The following MCPH1 variants were observed in gnomAD, a reference collection of about 807,000 sequenced individuals.
MCPH1 encodes the protein microcephalin.
A neutral mutation model predicts 84.5 loss-of-function variants in MCPH1; 104 were observed. That is an observed-to-expected ratio of 1.23 (90% CI 1.05 to 1.45). The LOEUF (loss-of-function observed/expected upper bound fraction) is 1.45, where lower values mean the gene tolerates loss of function less well. Ranked by LOEUF, MCPH1 falls within the 40% of genes most tolerant of loss-of-function variation. The probability of loss-of-function intolerance (pLI) is 0.00; values close to 1 mark genes in which losing one functional copy is unlikely to be tolerated. For synonymous variants in MCPH1, 514 were observed against 366.8 expected (o/e 1.40, Z -4.58); for missense variants, 1,498 against 1,005.7 (o/e 1.49, Z -6.62).
At chr8:6,524,826 C>G (rs1324979226) in intron 12 of MCPH1, among the ~76,000 whole-genome samples, 1 of 152,148 alleles carries the variant, frequency 6.6e-6, no homozygotes, top group African/African-American at 2.4e-5. Context: ...CATGGTTTCA[C>G]TGAAGAGAAA....
At chr8:6,521,474 A>G in intron 12 of MCPH1, 1 of 1,150,214 alleles carries the variant, frequency 8.7e-7, no homozygotes, top group Non-Finnish European at 1.2e-6. Flanking sequence ...ATATTTATTG[A>G]ATTTCTACTT....
At chr8:6,571,642 T>C (rs770800539) in intron 12 of MCPH1, among the ~76,000 whole-genome samples, 14 of 152,148 alleles carry the variant, frequency 9.2e-5, no homozygotes, top group Admixed American at 2.0e-4. Context: ...ATATGTGCTA[T>C]TTACATTAAG....
chr8:6,567,672 C>T (rs572798170), intron 12 of MCPH1, among the ~76,000 whole-genome samples: 1 of 152,256 alleles, frequency 6.6e-6, no homozygotes, highest in South Asian at 2.1e-4. Context: ...CCCTTGAAGG[C>T]ATTAGGTGCA....
chr8:6,435,410 G>A (rs1802501229), intron 4 of MCPH1, among the ~76,000 whole-genome samples: 4 of 152,134 alleles, frequency 2.6e-5, no homozygotes, highest in Admixed American at 2.6e-4. Context: ...TGAGGTGGGG[G>A]CTCAGGCAGT....
chr8:6,616,622 G>A (rs1191798043), intron 12 of MCPH1: 1 of 152,266 alleles, frequency 6.6e-6, no homozygotes, highest in Non-Finnish European at 1.5e-5. Context: ...CCTAGGAGGA[G>A]CTCATGGCAG....
intron 12 of MCPH1, chr8:6,527,583 C>T (rs1440890819): frequency 1.2e-6 from 2 of 1,613,928 alleles, no homozygotes; most frequent in South Asian, 1.1e-5. Context: ...TTGTTTATTT[C>T]ACTGGTCTGG....
chr8:6,606,156 A>G (rs1484998983), intron 12 of MCPH1, among the ~76,000 whole-genome samples: 1 of 152,236 alleles, frequency 6.6e-6, no homozygotes, highest in Admixed American at 6.5e-5. Flanking sequence ...AAAGTGTTGC[A>G]AGATTCTGGA....
chr8:6,423,189 T>C lies in MCPH1; in HGVS notation c.233+8306T>C, dbSNP rs1443894899. Reference sequence around the variant, plus strand: ...ATCTTTTGGCATTTTTCTTTTCTTTTCTTTTTTTTTTTTTTTTTGAAACTG... The same window carrying C: ...ATCTTTTGGCATTTTTCTTTTCTTTCCTTTTTTTTTTTTTTTTTGAAACTG... On this transcript the variant is annotated intron_variant, in intron 3 of 13. Coordinates refer to ENST00000344683, the MANE Select transcript of MCPH1 (RefSeq NM_024596.5). 3.7e-5 allele frequency among the ~76,000 whole-genome samples: 5 copies of C among 133,986 alleles called. 1 individual carries two copies. The highest frequency in any genetic ancestry group is 1.2e-4 in the African/African-American group (4 of 32,544). The allele number at this position is 133,986 out of a possible 152,430, so 87.9% of individuals were successfully genotyped here. A position where few individuals can be genotyped will look rare whatever the true frequency, so the allele number is the denominator to read the frequency against.
At chr8:6,422,635 A>G (rs1002752291) in intron 3 of MCPH1, among the ~76,000 whole-genome samples, 5 of 152,264 alleles carry the variant, frequency 3.3e-5, no homozygotes, top group African/African-American at 1.2e-4. Flanking sequence ...AGCCTTTCTC[A>G]AGGGGCTCAT....
chr8:6,611,950 TAGGC>T (rs1830316147), intron 12 of MCPH1, among the ~76,000 whole-genome samples: 4 of 152,176 alleles, frequency 2.6e-5, no homozygotes, highest in Middle Eastern at 3.2e-3. Context: ...CTTCATTACA[TAGGC>T]AGGACTGATG....
intron 11 of MCPH1, among the ~76,000 whole-genome samples, chr8:6,498,976 T>C (rs1811629156): frequency 6.6e-6 from 1 of 152,008 alleles, no homozygotes; most frequent in Non-Finnish European, 1.5e-5. Context: ...TGCTTGAACC[T>C]GGGAGGTGGA....
chr8:6,643,071 G>A lies in MCPH1; in HGVS notation c.*22G>A. The A allele has an allele frequency of 6.2e-7, 1 of 1,607,600 alleles. No homozygotes were observed. Among genetic ancestry groups the A allele is most frequent in the Non-Finnish European group, 8.5e-7 (1 of 1,174,250 alleles). Reference sequence around the variant, plus strand: ...ATGACAGTGACCTCACTGGCCTGTGGTGACTGCACACAGCTCGCAAAACTG... The same window carrying A: ...ATGACAGTGACCTCACTGGCCTGTGATGACTGCACACAGCTCGCAAAACTG... On this transcript the variant is annotated 3_prime_UTR_variant, in exon 14 of 14. Coordinates refer to ENST00000344683, the MANE Select transcript of MCPH1 (RefSeq NM_024596.5).
chr8:6,584,961 G>A (rs1029733711), intron 12 of MCPH1, among the ~76,000 whole-genome samples: 3 of 152,136 alleles, frequency 2.0e-5, no homozygotes, highest in Admixed American at 2.0e-4. Context: ...CTGTTGAGTC[G>A]AATTGGCAAT....
intron 10 of MCPH1, 81 bp from the exon 11 acceptor site, chr8:6,480,633 T>C (rs908842376): frequency 2.0e-6 from 3 of 1,518,506 alleles, no homozygotes; most frequent in Non-Finnish European, 2.7e-6. Flanking sequence ...GTTTTATTAG[T>C]ACTAATATTG....
chr8:6,472,514 G>A (rs1343394272), intron 9 of MCPH1, among the ~76,000 whole-genome samples: 3 of 152,116 alleles, frequency 2.0e-5, no homozygotes, highest in South Asian at 2.1e-4. Flanking sequence ...CGCCCAGGCT[G>A]GAGTGCATTG....
At chr8:6,488,230 C>A (rs903462544) in intron 11 of MCPH1, among the ~76,000 whole-genome samples, 1 of 152,244 alleles carries the variant, frequency 6.6e-6, no homozygotes, top group African/African-American at 2.4e-5. Context: ...CTGTCTGCTG[C>A]TCCTGGCAAG....
At chr8:6,505,663 G>C (rs1278560838) in intron 12 of MCPH1, among the ~76,000 whole-genome samples, 2 of 123,216 alleles carry the variant, frequency 1.6e-5, no homozygotes, top group Non-Finnish European at 3.3e-5. Context: ...TTTATATATA[G>C]AATATATATA....
At chr8:6,563,617 A>G (rs1205604879) in intron 12 of MCPH1, among the ~76,000 whole-genome samples, 1 of 152,256 alleles carries the variant, frequency 6.6e-6, no homozygotes, top group Non-Finnish European at 1.5e-5. Context: ...TTTTTCCTTT[A>G]GGAATAAAAA....
At chr8:6,514,865 T>A in intron 12 of MCPH1, 1 of 1,148,960 alleles carries the variant, frequency 8.7e-7, no homozygotes, top group Non-Finnish European at 1.3e-6. Context: ...AGACCCTGAG[T>A]GCAGGACTCA....
Sources: allele counts gnomAD v4.1 joint callset (sites outside exome capture counted in the v4.1 genomes callset), GRCh38; gene constraint gnomAD v4.1.1; transcripts MANE v1.5; gene names NCBI Gene and HGNC (gene_info 2026-07-23, HGNC 2026-07-21).